ZCCHC24: variants seen among roughly 807,000 people sequenced by gnomAD.
ZCCHC24 encodes zinc finger CCHC-type containing 24, also known as zinc finger CCHC domain-containing protein 24.
In ZCCHC24, 10 loss-of-function variants were observed where a neutral mutation model predicts 26.2. That is an observed-to-expected ratio of 0.38 (90% CI 0.24 to 0.65). The LOEUF (loss-of-function observed/expected upper bound fraction) is 0.65. Ranked by LOEUF, ZCCHC24 falls within the 30% of genes least tolerant of loss-of-function variation. The probability of loss-of-function intolerance (pLI) is 0.54; values close to 1 mark genes in which losing one functional copy is unlikely to be tolerated. For missense variants in ZCCHC24, 243 were observed against 329.1 expected (o/e 0.74, Z 2.03); for synonymous variants, 144 against 147.1 (o/e 0.98, Z 0.15).
At chr10:79,443,611 GC>G (rs1857317554) in intron 1 of ZCCHC24, among the ~76,000 whole-genome samples, 1 of 152,222 alleles carries the variant, frequency 6.6e-6, no homozygotes, top group East Asian at 1.9e-4. Flanking sequence ...CCTGCCCAGA[GC>G]TCAACAAATG....
At chr10:79,431,737 T>C (rs969506237) in intron 2 of ZCCHC24, among the ~76,000 whole-genome samples, 1 of 152,186 alleles carries the variant, frequency 6.6e-6, no homozygotes, top group Non-Finnish European at 1.5e-5. Context: ...CAGGATTCCA[T>C]TTCCATTACA....
chr10:79,431,029 A>T (rs1311542616), intron 2 of ZCCHC24, among the ~76,000 whole-genome samples: 1 of 152,254 alleles, frequency 6.6e-6, no homozygotes, highest in African/African-American at 2.4e-5. Flanking sequence ...TAGTTTCATT[A>T]AATGAAATAC....
At chr10:79,392,284 C>T (rs888870375) in intron 3 of ZCCHC24, among the ~76,000 whole-genome samples, 5 of 152,160 alleles carry the variant, frequency 3.3e-5, no homozygotes, top group Non-Finnish European at 7.3e-5. Flanking sequence ...ATTAGGATTG[C>T]ACACCTCCCT....
intron 1 of ZCCHC24, among the ~76,000 whole-genome samples, chr10:79,442,603 C>T (rs1367059822): frequency 6.6e-6 from 1 of 152,190 alleles, no homozygotes; most frequent in African/African-American, 2.4e-5. Context: ...AAGTCACATC[C>T]GCAGGCACTG....
At chr10:79,414,609 T>G (rs540780483) in intron 2 of ZCCHC24, among the ~76,000 whole-genome samples, 4 of 152,102 alleles carry the variant, frequency 2.6e-5, no homozygotes, top group Non-Finnish European at 5.9e-5. Context: ...AATCTTGCAT[T>G]CCCAGGACCT....
At chr10:79,428,513 G>A in intron 2 of ZCCHC24, among the ~76,000 whole-genome samples, 1 of 136,002 alleles carries the variant, frequency 7.4e-6, no homozygotes, top group Admixed American at 7.4e-5. Flanking sequence ...TGGCTGGAAG[G>A]TGGTGATGGT....
At position 79,428,398 on chromosome 10, in the gene ZCCHC24, G is replaced by GTTTT. The variant is rs142432344; in HGVS notation, c.447+4156_447+4159dup. 1.9e-3 allele frequency among the ~76,000 whole-genome samples: 69 copies of GTTTT among 37,022 alleles called. 1 individual carries two copies. Among genetic ancestry groups the GTTTT allele is most frequent in the Non-Finnish European group, 3.6e-3 (61 of 16,878 alleles). The allele number at this position is 37,022 out of a possible 152,430, so 24.3% of individuals were successfully genotyped here. ...ATTATGCAATGGGTACAGTATTTCA[G>GTTTT]TTTTGCAAGATAAATTTCAGTTTTG... is the stretch of plus-strand genomic sequence containing the variant. On this transcript the variant is annotated intron_variant, in intron 2 of 3. Transcript: ENST00000372336.
chr10:79,389,423 C>T (rs547967087), intron 3 of ZCCHC24, among the ~76,000 whole-genome samples: 2 of 152,132 alleles, frequency 1.3e-5, no homozygotes, highest in South Asian at 2.1e-4. Flanking sequence ...CCAGCTCTGC[C>T]GCCTATCAGC....
At chr10:79,423,581 C>CTATATATATATTTATATATATATA in intron 2 of ZCCHC24, among the ~76,000 whole-genome samples, 1 of 53,766 alleles carries the variant, frequency 1.9e-5, no homozygotes, top group African/African-American at 7.7e-5. Context: ...AATATATATA[C>CTATATATATATTTATATATATATA]TATATATATA....
intron 2 of ZCCHC24, among the ~76,000 whole-genome samples, chr10:79,413,593 G>A (rs1856820932): frequency 6.6e-6 from 1 of 152,224 alleles, no homozygotes. Context: ...GAAAGCTGAT[G>A]GTTCTGTGCA....
At chr10:79,399,175 C>G (rs1856594940) in intron 2 of ZCCHC24, among the ~76,000 whole-genome samples, 1 of 152,178 alleles carries the variant, frequency 6.6e-6, no homozygotes, top group African/African-American at 2.4e-5. Context: ...AGAAGAAGGA[C>G]TGTGGGCAGC....
intron 2 of ZCCHC24, among the ~76,000 whole-genome samples, chr10:79,407,764 T>C (rs909977447): frequency 6.6e-6 from 1 of 152,110 alleles, no homozygotes; most frequent in Admixed American, 6.5e-5. Flanking sequence ...GAGCTGGGAG[T>C]GGAGCGCAGG....
chr10:79,426,301 A>G (rs1857026947), intron 2 of ZCCHC24, among the ~76,000 whole-genome samples: 1 of 152,252 alleles, frequency 6.6e-6, no homozygotes, highest in Non-Finnish European at 1.5e-5. Context: ...AGTGTTCTGC[A>G]CATTTTACTC....
At chr10:79,397,825 C>G (rs1856566926) in intron 2 of ZCCHC24, among the ~76,000 whole-genome samples, 2 of 152,148 alleles carry the variant, frequency 1.3e-5, no homozygotes, top group Non-Finnish European at 2.9e-5. Context: ...CAAGTCATTC[C>G]AGGACACTGG....
chr10:79,405,724 G>A (rs1856702828), intron 2 of ZCCHC24, among the ~76,000 whole-genome samples: 1 of 152,240 alleles, frequency 6.6e-6, no homozygotes, highest in Non-Finnish European at 1.5e-5. Context: ...GAGGCTTTGG[G>A]TGTGAGGGCC....
In ZCCHC24 at chr10:79,441,789, C is replaced by T. The variant is rs117267714; in HGVS notation, c.246+3406G>A. ...ACAGTAGGGCCACACCTTCCAGCTA[C>T]GTCTGTCCCTGGAGAAAGAGGGAAA... is the stretch of plus-strand genomic sequence containing the variant. On this transcript the variant is annotated intron_variant, in intron 1 of 3. Transcript: ENST00000372336. 8.8e-3 allele frequency among the ~76,000 whole-genome samples: 1,338 copies of T among 152,306 alleles called. 49 individuals are homozygous for T. The highest frequency in any genetic ancestry group is 0.058 in the Admixed American group (888 of 15,310).
At chr10:79,417,541 G>A (rs1184728846) in intron 2 of ZCCHC24, among the ~76,000 whole-genome samples, 7 of 152,242 alleles carry the variant, frequency 4.6e-5, no homozygotes, top group Non-Finnish European at 1.0e-4. Flanking sequence ...CACGGCCTAA[G>A]GTCAGACTGA....
chr10:79,411,788 C>T (rs916811552), intron 2 of ZCCHC24, among the ~76,000 whole-genome samples: 1 of 152,108 alleles, frequency 6.6e-6, no homozygotes, highest in African/African-American at 2.4e-5. Context: ...CAGGAGACCT[C>T]CAGGAGGCCT....
At chr10:79,425,272 C>T (rs1372805851) in intron 2 of ZCCHC24, among the ~76,000 whole-genome samples, 4 of 152,192 alleles carry the variant, frequency 2.6e-5, no homozygotes, top group Non-Finnish European at 5.9e-5. Flanking sequence ...TCAACCATGC[C>T]GCCCTGCAGT....
Sources: allele counts gnomAD v4.1 joint callset (sites outside exome capture counted in the v4.1 genomes callset), GRCh38; gene constraint gnomAD v4.1.1; transcripts MANE v1.5; gene names NCBI Gene and HGNC (gene_info 2026-07-23, HGNC 2026-07-21).